The following SYNDIG1 variants were observed in gnomAD, a reference collection of about 807,000 sequenced individuals.
SYNDIG1 encodes synapse differentiation inducing 1.
A neutral mutation model predicts 19.4 loss-of-function variants in SYNDIG1; 9 were observed. The ratio of observed to expected loss-of-function variants is 0.46; its 90% CI spans 0.28 to 0.81. SYNDIG1 has a LOEUF of 0.81. Ranked by LOEUF, SYNDIG1 falls within the 30% of genes least tolerant of loss-of-function variation. The probability of loss-of-function intolerance (pLI) is 0.12; values close to 1 mark genes in which losing one functional copy is unlikely to be tolerated. For synonymous variants in SYNDIG1, 141 were observed against 145.9 expected, an observed-to-expected ratio of 0.97 and a Z score of 0.24; for missense variants, 311 against 343.3, an observed-to-expected ratio of 0.91 and a Z score of 0.74.
At chr20:24,637,644 G>A (rs4815293) in intron 3 of SYNDIG1, among the ~76,000 whole-genome samples, 70,401 of 152,138 alleles carry the variant, frequency 0.46, 18,999 homozygotes, top group Non-Finnish European at 0.6. Context: ...AATCAAGGAA[G>A]GAAGGGGGAA....
chr20:24,544,678 A>G (rs1463834589), intron 2 of SYNDIG1, among the ~76,000 whole-genome samples: 2 of 152,154 alleles, frequency 1.3e-5, no homozygotes, highest in East Asian at 3.9e-4. Flanking sequence ...GGTAAGGGAA[A>G]GTTTGAAGGG....
At chr20:24,642,430 A>T (rs2147342219) in intron 3 of SYNDIG1, among the ~76,000 whole-genome samples, 1 of 152,292 alleles carries the variant, frequency 6.6e-6, no homozygotes, top group East Asian at 1.9e-4. Flanking sequence ...TGTCATAGGA[A>T]GTCACCGCAC....
chr20:24,557,155 A>T (rs1160653944), intron 2 of SYNDIG1, among the ~76,000 whole-genome samples: 1 of 152,132 alleles, frequency 6.6e-6, no homozygotes, highest in Non-Finnish European at 1.5e-5. Flanking sequence ...TTTCAGCTCC[A>T]TCAGCTCCTT....
At chr20:24,634,687 C>A (rs1189563761) in intron 3 of SYNDIG1, among the ~76,000 whole-genome samples, 1 of 151,990 alleles carries the variant, frequency 6.6e-6, no homozygotes, top group Non-Finnish European at 1.5e-5. Flanking sequence ...TCTACATTTA[C>A]CATTTTGTAT....
At chr20:24,500,052 A>G (rs2056401298) in intron 1 of SYNDIG1, among the ~76,000 whole-genome samples, 1 of 152,156 alleles carries the variant, frequency 6.6e-6, no homozygotes, top group Admixed American at 6.5e-5. Flanking sequence ...GGGAACCCAA[A>G]AAAGGCCACA....
intron 3 of SYNDIG1, among the ~76,000 whole-genome samples, chr20:24,602,664 T>G (rs1054176061): frequency 6.6e-6 from 1 of 152,238 alleles, no homozygotes; most frequent in Non-Finnish European, 1.5e-5. Flanking sequence ...GTCCTCTCCC[T>G]GGCCTTGGCC....
At chr20:24,478,621 A>C (rs1180122113) in intron 1 of SYNDIG1, among the ~76,000 whole-genome samples, 2 of 152,262 alleles carry the variant, frequency 1.3e-5, no homozygotes, top group Non-Finnish European at 2.9e-5. Flanking sequence ...GTAGACAAAC[A>C]GATGCAGACA....
At chr20:24,577,548 A>G (rs1157433737) in intron 2 of SYNDIG1, among the ~76,000 whole-genome samples, 4 of 152,244 alleles carry the variant, frequency 2.6e-5, no homozygotes, top group African/African-American at 9.6e-5. Context: ...GAGACCTCAA[A>G]GGCAGCTGGG....
At chr20:24,568,032 T>C (rs550107968) in intron 2 of SYNDIG1, among the ~76,000 whole-genome samples, 1 of 152,176 alleles carries the variant, frequency 6.6e-6, no homozygotes, top group East Asian at 1.9e-4. Flanking sequence ...TCCCAGCTAC[T>C]TGGGAGGCTG....
chr20:24,624,013 A>C (rs2059080190), intron 3 of SYNDIG1, among the ~76,000 whole-genome samples: 2 of 152,162 alleles, frequency 1.3e-5, no homozygotes, highest in African/African-American at 2.4e-5. Context: ...CTGTAATCCC[A>C]GCACTTTGGG....
intron 3 of SYNDIG1, among the ~76,000 whole-genome samples, chr20:24,655,552 G>A (rs2059516429): frequency 6.6e-6 from 1 of 152,182 alleles, no homozygotes; most frequent in South Asian, 2.1e-4. Context: ...AGTTCAAAAT[G>A]TGCCTTTGGG....
At chr20:24,633,005 C>G (rs2059267615) in intron 3 of SYNDIG1, among the ~76,000 whole-genome samples, 1 of 149,752 alleles carries the variant, frequency 6.7e-6, no homozygotes, top group Non-Finnish European at 1.5e-5. Flanking sequence ...TTTCATATCA[C>G]AGAATAACCT....
chr20:24,611,325 C>A (rs963825312), intron 3 of SYNDIG1, among the ~76,000 whole-genome samples: 5 of 152,156 alleles, frequency 3.3e-5, no homozygotes, highest in African/African-American at 9.7e-5. Context: ...TTCATACCTC[C>A]CTTTTCTCTT....
At chr20:24,530,600 G>T (rs1286835970) in intron 1 of SYNDIG1, among the ~76,000 whole-genome samples, 1 of 152,102 alleles carries the variant, frequency 6.6e-6, no homozygotes, top group Admixed American at 6.6e-5. Context: ...CTTAGCAGTA[G>T]GGAAGTTTTA....
chr20:24,663,629 C>A (rs1295786833), intron 3 of SYNDIG1, among the ~76,000 whole-genome samples: 3 of 152,188 alleles, frequency 2.0e-5, no homozygotes, highest in African/African-American at 7.2e-5. Flanking sequence ...AGCAGGAAGG[C>A]AACTATTCCG....
intron 1 of SYNDIG1, among the ~76,000 whole-genome samples, chr20:24,539,746 A>G (rs757799820): frequency 1.3e-5 from 2 of 148,248 alleles, no homozygotes; most frequent in African/African-American, 5.0e-5. Context: ...TGTCTTCTTT[A>G]ATTTTTTTCA....
chr20:24,564,788 T>G (rs1254203035), intron 2 of SYNDIG1, among the ~76,000 whole-genome samples: 1 of 147,888 alleles, frequency 6.8e-6, no homozygotes, highest in Non-Finnish European at 1.5e-5. Flanking sequence ...TTGCCTGGGC[T>G]CATCTGTATT....
At chr20:24,490,113 G>A (rs749006489) in intron 1 of SYNDIG1, among the ~76,000 whole-genome samples, 1 of 152,208 alleles carries the variant, frequency 6.6e-6, no homozygotes, top group Non-Finnish European at 1.5e-5. Flanking sequence ...ACCCTTTCCT[G>A]TTCCATCCAC....
At chr20:24,550,841 C>T (rs1478686830) in intron 2 of SYNDIG1, among the ~76,000 whole-genome samples, 1 of 152,134 alleles carries the variant, frequency 6.6e-6, no homozygotes, top group Non-Finnish European at 1.5e-5. Context: ...AACAGACCAT[C>T]CTTGCATTTG....
Sources: gnomAD v4.1 joint callset for allele counts (sites outside exome capture counted in the v4.1 genomes callset) on GRCh38, gnomAD v4.1.1 for gene constraint, MANE v1.5 for transcripts, NCBI Gene and HGNC (gene_info 2026-07-23, HGNC 2026-07-21) for gene names.